Variants in PPARGC1A observed in about 807,000 individuals in gnomAD.
PPARGC1A encodes the protein PPARG coactivator 1 alpha, also known as peroxisome proliferator-activated receptor gamma coactivator 1-alpha.
Under a neutral mutation model 88.7 loss-of-function variants are expected in PPARGC1A, and 25 were observed. That is an observed-to-expected ratio of 0.28 (90% confidence interval 0.21 to 0.39). PPARGC1A has a LOEUF of 0.39. Ranked by LOEUF, PPARGC1A falls within the 10% of genes least tolerant of loss-of-function variation. The pLI, the probability that PPARGC1A is intolerant of heterozygous loss-of-function variation, is 1.00. For missense variants in PPARGC1A, 880 were observed against 968.7 expected, an observed-to-expected ratio of 0.91 and a Z score of 1.22; for synonymous variants, 363 against 355.6, an observed-to-expected ratio of 1.02 and a Z score of -0.24.
At chr4:23,900,831 G>A (rs936068827), upstream of PPARGC1A, among the ~76,000 whole-genome samples, 6 of 152,242 alleles carry the variant, frequency 3.9e-5, no homozygotes, top group East Asian at 1.9e-4. Flanking sequence ...TACATCTGAA[G>A]AGACCAGAAG....
At chr4:23,908,933 G>C (rs774954307), upstream of PPARGC1A, among the ~76,000 whole-genome samples, 1 of 152,150 alleles carries the variant, frequency 6.6e-6, no homozygotes, top group South Asian at 2.1e-4. Context: ...TGATAGTTCC[G>C]CAACATCCCA....
the PPARGC1A span, among the ~76,000 whole-genome samples, chr4:24,227,858 TGAGAG>T: frequency 2.0e-5 from 3 of 152,294 alleles, no homozygotes; most frequent in African/African-American, 4.8e-5. Context: ...AAAATGGTGA[TGAGAG>T]GCAAAAAATA....
chr4:23,799,958 G>A (rs575140210), intron 12 of PPARGC1A, among the ~76,000 whole-genome samples: 2 of 152,278 alleles, frequency 1.3e-5, no homozygotes, highest in South Asian at 4.1e-4. Flanking sequence ...CAAATGACTT[G>A]CCACATTCTA....
the PPARGC1A span, among the ~76,000 whole-genome samples, chr4:24,249,636 C>T: frequency 6.6e-6 from 1 of 152,086 alleles, no homozygotes; most frequent in Non-Finnish European, 1.5e-5. Flanking sequence ...GGAGGAAACC[C>T]CAGGTTAACA....
At chr4:24,447,251 C>T in the PPARGC1A span, among the ~76,000 whole-genome samples, 2 of 152,188 alleles carry the variant, frequency 1.3e-5, no homozygotes, top group Non-Finnish European at 2.9e-5. Context: ...TCCATCATTG[C>T]CCTGCCCAGC....
chr4:24,159,000 A>C, the PPARGC1A span, among the ~76,000 whole-genome samples: 1 of 152,266 alleles, frequency 6.6e-6, no homozygotes, highest in South Asian at 2.1e-4. Context: ...GCAGTTTCTT[A>C]GTGGTATGTA....
chr4:24,021,352 G>A, the PPARGC1A span, among the ~76,000 whole-genome samples: 2 of 152,288 alleles, frequency 1.3e-5, no homozygotes, highest in African/African-American at 4.8e-5. Flanking sequence ...GAAGCACACA[G>A]GTCACTTGCT....
chr4:24,424,218 G>GAAA, the PPARGC1A span, among the ~76,000 whole-genome samples: 1 of 107,762 alleles, frequency 9.3e-6, no homozygotes. Flanking sequence ...TTAGGAAAAG[G>GAAA]AAAAAAAAAA....
chr4:24,079,378 A>T, the PPARGC1A span, among the ~76,000 whole-genome samples: 1 of 151,996 alleles, frequency 6.6e-6, no homozygotes, highest in African/African-American at 2.4e-5. Flanking sequence ...AAATGTGACT[A>T]CATTTTTTTC....
chr4:24,056,630 G>T, the PPARGC1A span, among the ~76,000 whole-genome samples: 1 of 152,150 alleles, frequency 6.6e-6, no homozygotes, highest in African/African-American at 2.4e-5. Flanking sequence ...AATAAAACCA[G>T]CTGTGCAGGC....
the PPARGC1A span, among the ~76,000 whole-genome samples, chr4:24,192,858 C>A: frequency 6.6e-6 from 1 of 152,112 alleles, no homozygotes; most frequent in African/African-American, 2.4e-5. Context: ...ATCTTAAGAT[C>A]TTTACAATGA....
chr4:24,120,763 G>A, the PPARGC1A span, among the ~76,000 whole-genome samples: 1 of 152,006 alleles, frequency 6.6e-6, no homozygotes, highest in African/African-American at 2.4e-5. Flanking sequence ...TTTCCACCAC[G>A]TGAGAACCCA....
At chr4:24,424,369 G>A in the PPARGC1A span, among the ~76,000 whole-genome samples, 17 of 134,980 alleles carry the variant, frequency 1.3e-4, no homozygotes, top group African/African-American at 3.8e-4. Flanking sequence ...TCCACCTCCC[G>A]GGTTCACGCC....
chr4:24,457,009 G>A, the PPARGC1A span, among the ~76,000 whole-genome samples: 2 of 152,324 alleles, frequency 1.3e-5, no homozygotes, highest in South Asian at 4.1e-4. Context: ...AAGGGACTGA[G>A]CCTTCATGGG....
In PPARGC1A at chr4:23,795,959, C is replaced by G. The variant is rs753787634; in HGVS notation, c.2294-34G>C. On this transcript the variant is annotated intron_variant, in intron 12 of 12. Coordinates refer to ENST00000264867, the MANE Select transcript of PPARGC1A (RefSeq NM_013261.5). ...AAACACAAGCCAGTTTAGATACACACTTTGCTGATGGCCATTAACTCAATC... is the reference window on the plus strand; with the variant it reads ...AAACACAAGCCAGTTTAGATACACAGTTTGCTGATGGCCATTAACTCAATC... 6.9e-6 allele frequency: 10 copies of G among 1,455,364 alleles called. No homozygotes were observed. The South Asian group carries it at 1.0e-4, about 15-fold the overall frequency. 90.2% of individuals were successfully genotyped at this position (1,455,364 alleles called of 1,614,324 possible).
intron 1 of PPARGC1A, among the ~76,000 whole-genome samples, chr4:23,885,589 A>G (rs1716731888): frequency 6.6e-6 from 1 of 152,184 alleles, no homozygotes; most frequent in South Asian, 2.1e-4. Flanking sequence ...GTTCCTTAAG[A>G]TGAAGGACAA....
At chr4:24,343,966 C>T in the PPARGC1A span, among the ~76,000 whole-genome samples, 1 of 151,830 alleles carries the variant, frequency 6.6e-6, no homozygotes, top group East Asian at 1.9e-4. Context: ...TAGCTTAGCT[C>T]CCACATATCA....
chr4:24,417,126 G>A, the PPARGC1A span, among the ~76,000 whole-genome samples: 14 of 152,184 alleles, frequency 9.2e-5, no homozygotes, highest in African/African-American at 3.4e-4. Context: ...AGAGTTGGAA[G>A]GGAGTTAGGG....
At chr4:23,796,623 C>T (rs947588631) in intron 12 of PPARGC1A, among the ~76,000 whole-genome samples, 2 of 152,048 alleles carry the variant, frequency 1.3e-5, no homozygotes, top group African/African-American at 4.8e-5. Flanking sequence ...TCAAATAGAC[C>T]TTAACAAAAT....
Sources: allele counts gnomAD v4.1 joint callset (sites outside exome capture counted in the v4.1 genomes callset), GRCh38; gene constraint gnomAD v4.1.1; transcripts MANE v1.5; gene names NCBI Gene and HGNC (gene_info 2026-07-23, HGNC 2026-07-21).